Variants in FRMD8 observed in about 807,000 individuals in gnomAD.
FRMD8 encodes FERM domain-containing protein 8.
In FRMD8, 37 loss-of-function variants were observed where a neutral mutation model predicts 54.2. The ratio of observed to expected loss-of-function variants is 0.68; its 90% CI spans 0.53 to 0.90. FRMD8 has a LOEUF of 0.90. Among genes scored for constraint, FRMD8 ranks in the 40% least tolerant of loss-of-function variants. The probability of loss-of-function intolerance (pLI) is 0.00; values close to 1 mark genes in which losing one functional copy is unlikely to be tolerated. For synonymous variants in FRMD8, 246 were observed against 286.9 expected, an observed-to-expected ratio of 0.86 and a Z score of 1.44; for missense variants, 585 against 653.7, an observed-to-expected ratio of 0.89 and a Z score of 1.15.
At chr11:65,397,456 C>A (rs1300635269) in intron 7 of FRMD8, among the ~76,000 whole-genome samples, 2 of 152,180 alleles carry the variant, frequency 1.3e-5, no homozygotes, top group Admixed American at 6.5e-5. Context: ...TTGAGGAGAG[C>A]CTGTCATTGG....
chr11:65,389,331 T>G (rs1855793552), intron 2 of FRMD8, 30 bp from the exon 3 acceptor site: 1 of 1,605,242 alleles, frequency 6.2e-7, no homozygotes, highest in East Asian at 2.2e-5. Context: ...GGCAGAGGCC[T>G]CAGCTGAGCC....
In FRMD8 at chr11:65,411,642, C is replaced by T; in HGVS notation, c.*282C>T. 3.1e-6 allele frequency: 1 copy of T among 324,412 alleles called. No individual in the cohort carries two copies. The highest frequency in any genetic ancestry group is 5.7e-6 in the Non-Finnish European group (1 of 176,282). The allele number at this position is 324,412 out of a possible 1,614,324, so 20.1% of individuals were successfully genotyped here. A position where few individuals can be genotyped will look rare whatever the true frequency, so the allele number is the denominator to read the frequency against. On this transcript the variant is annotated 3_prime_UTR_variant, in exon 11 of 11. Coordinates refer to ENST00000317568, the MANE Select transcript of FRMD8 (RefSeq NM_031904.5). ...TCAGGACCATCCGATCAAGCTGCAG[C>T]TGCCACCCTCACCTAGAAACATGCC... is the stretch of plus-strand genomic sequence containing the variant.
At chr11:65,398,347 A>G (rs1042932811) in intron 7 of FRMD8, among the ~76,000 whole-genome samples, 37 of 152,206 alleles carry the variant, frequency 2.4e-4, no homozygotes, top group African/African-American at 8.0e-4. Flanking sequence ...TAGACGCCCC[A>G]CTGGCGACTT....
intron 2 of FRMD8, among the ~76,000 whole-genome samples, chr11:65,387,883 G>T (rs1188577960): frequency 1.3e-5 from 2 of 152,102 alleles, no homozygotes; most frequent in African/African-American, 4.8e-5. Flanking sequence ...CAGGGATCAG[G>T]CTGGGCGTAG....
chr11:65,383,778 C>CAAAAA (rs1565590255), upstream of FRMD8: 2 of 97,830 alleles, frequency 2.0e-5, no homozygotes, highest in South Asian at 3.3e-4. Context: ...AACAAACAAA[C>CAAAAA]AAACAAAAAA....
the FRMD8 span, among the ~76,000 whole-genome samples, chr11:65,374,351 A>T: frequency 1.5e-4 from 23 of 151,228 alleles, no homozygotes; most frequent in Non-Finnish European, 3.4e-4. Flanking sequence ...CAGGTGGAGC[A>T]GGGTAGCTAA....
intron 3 of FRMD8, among the ~76,000 whole-genome samples, chr11:65,391,522 T>A (rs186005625): frequency 4.9e-4 from 74 of 152,270 alleles, no homozygotes; most frequent in South Asian, 2.1e-3. Context: ...TTATTTATTT[T>A]TTTTTTGAGA....
chr11:65,406,062 C>T (rs1328510840), intron 10 of FRMD8, among the ~76,000 whole-genome samples: 1 of 151,896 alleles, frequency 6.6e-6, no homozygotes, highest in East Asian at 1.9e-4. Context: ...GAGTCTCACT[C>T]TGTCGCCCAG....
At chr11:65,380,162 C>T in the FRMD8 span, 3 of 1,614,192 alleles carry the variant, frequency 1.9e-6, no homozygotes, top group African/African-American at 2.7e-5. Context: ...GTCCCAGGAC[C>T]AAGCCCAGAG....
rs1855899861 is a variant in FRMD8 at position 65,394,264 on chromosome 11, T to C, written c.420T>C (p.His140=). ...CCTGCCACACCCCCCTGCAGATCCA[T>C]GACGAGGAGGTCCTGCGGCTGCTCT... ...FFPKRRELQI[H]DEEVLRLLYE... Residue 140 remains histidine, a synonymous_variant, in exon 6 of 11, where the codon CAT becomes CAC. Coordinates refer to ENST00000317568, the MANE Select transcript of FRMD8 (RefSeq NM_031904.5). 6.2e-7 allele frequency: 1 copy of C among 1,600,506 alleles called. No individual in the cohort carries two copies. Among genetic ancestry groups the C allele is most frequent in the Non-Finnish European group, 8.5e-7 (1 of 1,173,872 alleles).
At chr11:65,398,998 T>G (rs1236572806) in intron 7 of FRMD8, among the ~76,000 whole-genome samples, 67 of 6,822 alleles carry the variant, frequency 9.8e-3, no homozygotes, top group Non-Finnish European at 0.058. Flanking sequence ...CTCAATGTTT[T>G]TTTTTTTTTT....
rs1314876957 is a variant in FRMD8, at chr11:65,404,142, G to A, written c.1072-722G>A. On this transcript the variant is annotated intron_variant, in intron 9 of 10. Coordinates refer to ENST00000317568, the MANE Select transcript of FRMD8 (RefSeq NM_031904.5). The surrounding 1 kb of genome is among the most constrained non-coding windows in gnomAD (Gnocchi z 4.7). ...TCTCCGCAGGGCCACTCCAGCATCT[G>A]ACCCAGCCCCACCAGTCAGGAGCAC... Among the ~76,000 whole-genome samples, 2 of 152,200 alleles carry A rather than the reference G, an allele frequency of 1.3e-5. No individual in the cohort carries two copies. Among genetic ancestry groups the A allele is most frequent in the Non-Finnish European group, 2.9e-5 (2 of 68,030 alleles).
intron 9 of FRMD8, among the ~76,000 whole-genome samples, chr11:65,403,205 T>C (rs7111083): frequency 0.98 from 148,686 of 151,966 alleles, 72,833 homozygotes; most frequent in East Asian, 1. Flanking sequence ...TTTTTTGAGA[T>C]GGAGTCTCAC....
the FRMD8 span, chr11:65,381,287 C>T: frequency 1.3e-5 from 2 of 153,732 alleles, no homozygotes; most frequent in African/African-American, 2.4e-5. Flanking sequence ...TGCGCCACCG[C>T]GCCTGGCTAA....
intron 10 of FRMD8, among the ~76,000 whole-genome samples, chr11:65,408,264 G>T (rs1856251950): frequency 6.6e-6 from 1 of 151,824 alleles, no homozygotes; most frequent in Non-Finnish European, 1.5e-5. Flanking sequence ...AGTAGAGACG[G>T]AGTTTCTCCA....
upstream of FRMD8, among the ~76,000 whole-genome samples, chr11:65,384,815 C>T (rs1178852463): frequency 4.6e-5 from 7 of 152,180 alleles, no homozygotes; most frequent in Non-Finnish European, 7.3e-5. Context: ...TGGGCTCCAG[C>T]GATCCTCCCA....
At chr11:65,395,788 T>A (rs140027176) in intron 6 of FRMD8, among the ~76,000 whole-genome samples, 1 of 152,288 alleles carries the variant, frequency 6.6e-6, no homozygotes, top group African/African-American at 2.4e-5. Context: ...CCAGTTTTGG[T>A]TATAAAAGTT....
At chr11:65,401,300 T>C (rs12795699) in intron 9 of FRMD8, among the ~76,000 whole-genome samples, 120,216 of 122,152 alleles carry the variant, frequency 0.98, 59,205 homozygotes, top group South Asian at 1. Flanking sequence ...GCACCTCTTC[T>C]ACCCCAGCCT....
At chr11:65,386,955 C>G in intron 1 of FRMD8, 82 bp from the exon 2 acceptor site, 1 of 1,240,150 alleles carries the variant, frequency 8.1e-7, no homozygotes, top group East Asian at 2.3e-5. Flanking sequence ...GGATCCCTTA[C>G]CGTACTCACC....
Sources: gnomAD v4.1 joint callset for allele counts (sites outside exome capture counted in the v4.1 genomes callset) on GRCh38, gnomAD v4.1.1 for gene constraint, Gnocchi (gnomAD v3.1) non-coding constraint, MANE v1.5 for transcripts, NCBI Gene and HGNC (gene_info 2026-07-23, HGNC 2026-07-21) for gene names.